APBB2: variants seen among roughly 807,000 people sequenced by gnomAD.
APBB2 encodes Fe65-like 1.
A neutral mutation model predicts 82.5 loss-of-function variants in APBB2; 38 were observed. The ratio of observed to expected loss-of-function variants is 0.46; its 90% CI spans 0.36 to 0.60. The LOEUF (loss-of-function observed/expected upper bound fraction) is 0.60. APBB2 is among the 20% of genes least tolerant of loss of function. APBB2 has a pLI of 0.00. For synonymous variants in APBB2, 341 were observed against 368.2 expected, an observed-to-expected ratio of 0.93 and a Z score of 0.85; for missense variants, 772 against 972.3, an observed-to-expected ratio of 0.79 and a Z score of 2.74.
chr4:41,003,799 G>T (rs933908941), intron 6 of APBB2, among the ~76,000 whole-genome samples: 1 of 152,174 alleles, frequency 6.6e-6, no homozygotes, highest in Non-Finnish European at 1.5e-5. Flanking sequence ...TGCAACCTCC[G>T]TCTCCTGGGG....
chr4:40,845,466 C>A (rs1757193648), intron 12 of APBB2, among the ~76,000 whole-genome samples: 1 of 151,976 alleles, frequency 6.6e-6, no homozygotes, highest in Non-Finnish European at 1.5e-5. Context: ...AGCATGCTCT[C>A]CGTGGCTGTT....
intron 12 of APBB2, among the ~76,000 whole-genome samples, chr4:40,848,039 C>T (rs1018503906): frequency 6.6e-6 from 1 of 152,184 alleles, no homozygotes; most frequent in African/African-American, 2.4e-5. Context: ...CTTTTGGGCT[C>T]AAGCAATCCA....
intron 6 of APBB2, among the ~76,000 whole-genome samples, chr4:40,956,943 G>A (rs191011583): frequency 1.6e-3 from 239 of 152,210 alleles, no homozygotes; most frequent in African/African-American, 5.5e-3. Flanking sequence ...ACATTTTCTC[G>A]GGGCTGTATT....
intron 1 of APBB2, among the ~76,000 whole-genome samples, chr4:41,199,998 T>C (rs370743186): frequency 1.2e-3 from 178 of 152,340 alleles, no homozygotes; most frequent in African/African-American, 4.1e-3. Context: ...GTATGAGTAA[T>C]TGTTAACCAA....
At chr4:41,079,470 G>C (rs1433836181) in intron 3 of APBB2, among the ~76,000 whole-genome samples, 1 of 152,132 alleles carries the variant, frequency 6.6e-6, no homozygotes, top group Non-Finnish European at 1.5e-5. Flanking sequence ...GAGAAACATG[G>C]GGGAAGGTTA....
intron 12 of APBB2, among the ~76,000 whole-genome samples, chr4:40,845,333 GA>G (rs1757145495): frequency 6.6e-6 from 1 of 152,068 alleles, no homozygotes; most frequent in African/African-American, 2.4e-5. Flanking sequence ...TCTGAGAGTG[GA>G]GAAGGCTAAA....
In APBB2 at chr4:41,070,378, C is replaced by T. The variant is rs551786083; in HGVS notation, c.-148-4705G>A. Among the ~76,000 whole-genome samples the T allele has an allele frequency of 1.2e-3, 180 of 150,872 alleles. 1 individual carries two copies. The highest frequency in any genetic ancestry group is 4.1e-3 in the African/African-American group (168 of 41,064). ...AGACTGGAGTGCGGTGGTGAGATCT[C>T]GGCTCACTCCAGTCTCCGCCTCCTG... On this transcript the variant is annotated intron_variant, in intron 3 of 17. Coordinates refer to ENST00000508593, the MANE Select transcript of APBB2 (RefSeq NM_004307.2).
chr4:40,916,140 G>T (rs771175947), intron 10 of APBB2, among the ~76,000 whole-genome samples: 32 of 152,208 alleles, frequency 2.1e-4, no homozygotes, highest in Admixed American at 7.9e-4. Flanking sequence ...TTGTTCTAAA[G>T]AATTTGCTGT....
intron 12 of APBB2, chr4:40,842,658 ACAGT>A (rs1464787009): frequency 5.0e-5 from 10 of 201,770 alleles, no homozygotes; most frequent in African/African-American, 2.1e-4. Flanking sequence ...TTAAAATATC[ACAGT>A]CAAATACAGG....
chr4:40,985,485 C>A (rs1800187540), intron 6 of APBB2, among the ~76,000 whole-genome samples: 1 of 152,124 alleles, frequency 6.6e-6, no homozygotes, highest in South Asian at 2.1e-4. Flanking sequence ...TATGCAGCAA[C>A]AGAGAGCACA....
chr4:40,829,418 A>C (rs922631506), intron 13 of APBB2, among the ~76,000 whole-genome samples: 2 of 152,130 alleles, frequency 1.3e-5, no homozygotes, highest in African/African-American at 2.4e-5. Flanking sequence ...AGACTCAATG[A>C]TAGATGCTTG....
chr4:40,843,641 T>C (rs1756633592), intron 12 of APBB2, among the ~76,000 whole-genome samples: 1 of 152,200 alleles, frequency 6.6e-6, no homozygotes, highest in Admixed American at 6.5e-5. Context: ...TATGCAAATA[T>C]CTACCTCAGT....
At chr4:40,977,897 A>T (rs1797584319) in intron 6 of APBB2, among the ~76,000 whole-genome samples, 1 of 152,222 alleles carries the variant, frequency 6.6e-6, no homozygotes, top group Admixed American at 6.5e-5. Context: ...TAGAATGTAA[A>T]ACACAAACTC....
At chr4:41,119,575 T>C (rs993414989) in intron 2 of APBB2, among the ~76,000 whole-genome samples, 48 of 145,800 alleles carry the variant, frequency 3.3e-4, no homozygotes, top group African/African-American at 9.4e-4. Flanking sequence ...AAAATCGCAG[T>C]CCCAATTCCC....
intron 10 of APBB2, among the ~76,000 whole-genome samples, chr4:40,899,655 T>G (rs1263799297): frequency 6.6e-6 from 1 of 152,246 alleles, no homozygotes; most frequent in African/African-American, 2.4e-5. Flanking sequence ...AATATGGACT[T>G]CGTTCTCTCT....
At chr4:41,015,512 G>T (rs1251821842) in intron 5 of APBB2, among the ~76,000 whole-genome samples, 1 of 152,154 alleles carries the variant, frequency 6.6e-6, no homozygotes, top group Non-Finnish European at 1.5e-5. Flanking sequence ...ATCTTTGCAG[G>T]AGAGAAGGGC....
At chr4:41,020,576 A>C (rs1811209197) in intron 5 of APBB2, among the ~76,000 whole-genome samples, 1 of 152,244 alleles carries the variant, frequency 6.6e-6, no homozygotes, top group Admixed American at 6.5e-5. Context: ...AGATCTTATT[A>C]ATAGCAAAGA....
chr4:41,103,717 T>C (rs1414184299), intron 2 of APBB2, among the ~76,000 whole-genome samples: 3 of 152,292 alleles, frequency 2.0e-5, no homozygotes, highest in Non-Finnish European at 4.4e-5. Flanking sequence ...TCTTTATATT[T>C]TGCATTAGTG....
At chr4:41,012,043 TGGA>T (rs1808520226) in intron 6 of APBB2, among the ~76,000 whole-genome samples, 1 of 151,822 alleles carries the variant, frequency 6.6e-6, no homozygotes, top group Non-Finnish European at 1.5e-5. Context: ...CTAATTTTTT[TGGA>T]GGAGGAGAGA....
Sources: allele counts gnomAD v4.1 joint callset (sites outside exome capture counted in the v4.1 genomes callset), GRCh38; gene constraint gnomAD v4.1.1; transcripts MANE v1.5; gene names NCBI Gene and HGNC (gene_info 2026-07-23, HGNC 2026-07-21).